KDELR2: variants seen among roughly 807,000 people sequenced by gnomAD.
The protein encoded by KDELR2 is ER lumen protein-retaining receptor 2.
A neutral mutation model predicts 23.9 loss-of-function variants in KDELR2; 15 were observed. The ratio of observed to expected loss-of-function variants is 0.63; its 90% CI spans 0.42 to 0.97. KDELR2 has a LOEUF of 0.97. KDELR2 is among the 50% of genes least tolerant of loss of function. KDELR2 has a pLI of 0.00. For missense variants in KDELR2, 272 were observed against 254.6 expected, an observed-to-expected ratio of 1.07 and a Z score of -0.46; for synonymous variants, 119 against 106.2, an observed-to-expected ratio of 1.12 and a Z score of -0.74.
At chr7:6,478,094 T>C (rs1785793261) in intron 1 of KDELR2, among the ~76,000 whole-genome samples, 2 of 152,054 alleles carry the variant, frequency 1.3e-5, no homozygotes, top group Non-Finnish European at 2.9e-5. Context: ...TTTCTTCACA[T>C]CCTTGCCAAC....
intron 1 of KDELR2, among the ~76,000 whole-genome samples, chr7:6,475,514 C>T (rs1785733171): frequency 6.6e-6 from 1 of 152,124 alleles, no homozygotes. Flanking sequence ...AAGGTATGAA[C>T]CCACAACTAC....
At chr7:6,466,547 G>C (rs1207848758) in intron 3 of KDELR2, among the ~76,000 whole-genome samples, 2 of 152,010 alleles carry the variant, frequency 1.3e-5, no homozygotes, top group Non-Finnish European at 2.9e-5. Flanking sequence ...AGACCAGCAG[G>C]GTGGATGGAT....
chr7:6,483,985 T>C lies in KDELR2; in HGVS notation c.73A>G (p.Lys25Glu). 1.3e-6 allele frequency: 2 copies of C among 1,531,124 alleles called. No homozygotes were observed. Among genetic ancestry groups the C allele is most frequent in the Non-Finnish European group, 1.8e-6 (2 of 1,136,986 alleles). 94.8% of individuals were successfully genotyped at this position (1,531,124 alleles called of 1,614,324 possible). ...CGCTCACCGGCGCAGGAGCGCGTCT[T>C]CCAGATCTTCAGCAGCAGGATGACG... ...AIVILLLKIW[K>E]TRSCAGISGK... is the part of the protein sequence containing the mutation. Residue 25 changes from lysine to glutamate, a missense_variant, in exon 1 of 5, where the codon AAG (lysine) becomes GAG (glutamate). Transcript: ENST00000258739.
At chr7:6,463,791 T>A (rs73342979) in intron 4 of KDELR2, among the ~76,000 whole-genome samples, 9,689 of 148,266 alleles carry the variant, frequency 0.065, 1,024 homozygotes, top group African/African-American at 0.23. Flanking sequence ...CAGGGTGAGG[T>A]AGCTCACGCC....
intron 3 of KDELR2, among the ~76,000 whole-genome samples, chr7:6,467,654 G>A (rs749067490): frequency 2.6e-5 from 4 of 152,078 alleles, no homozygotes; most frequent in African/African-American, 4.8e-5. Flanking sequence ...CCACCTACTC[G>A]GGAGGCTGAG....
At chr7:6,478,198 C>CT (rs1334830703) in intron 1 of KDELR2, among the ~76,000 whole-genome samples, 2 of 151,928 alleles carry the variant, frequency 1.3e-5, no homozygotes, top group Non-Finnish European at 2.9e-5. Flanking sequence ...CTCAGTTGCC[C>CT]AACCCAGGGT....
chr7:6,473,644 T>C (rs1195228159), intron 2 of KDELR2, among the ~76,000 whole-genome samples: 3 of 152,220 alleles, frequency 2.0e-5, no homozygotes, highest in Admixed American at 1.3e-4. Context: ...AATGATGGTA[T>C]AGAGATCATT....
Position 6,472,845 on chromosome 7 carries a change from GGAAA to G in KDELR2, c.192+1335_192+1338del, listed in dbSNP as rs1476145976. Among the ~76,000 whole-genome samples the G allele has an allele frequency of 6.6e-5, 10 of 151,174 alleles. No homozygotes were observed. The South Asian group carries it at 1.7e-3, about 25-fold the overall frequency. ...AGGTGCTCAGTATTTGTAGAAAGAAGGAAAGAAAGAAAGAAATCAGACTCCTATT... is the reference window on the plus strand; with the variant it reads ...AGGTGCTCAGTATTTGTAGAAAGAAGGAAAGAAAGAAATCAGACTCCTATT... On this transcript the variant is annotated intron_variant, in intron 2 of 4. Coordinates refer to ENST00000258739, the MANE Select transcript of KDELR2 (RefSeq NM_006854.4).
intron 3 of KDELR2, among the ~76,000 whole-genome samples, chr7:6,468,552 C>G (rs1171216755): frequency 6.6e-6 from 1 of 152,156 alleles, no homozygotes; most frequent in East Asian, 1.9e-4. Context: ...GTCGCCAAGG[C>G]TGGAGTGCAG....
At chr7:6,473,779 C>T (rs1785701784) in intron 2 of KDELR2, among the ~76,000 whole-genome samples, 1 of 152,178 alleles carries the variant, frequency 6.6e-6, no homozygotes, top group Non-Finnish European at 1.5e-5. Context: ...TGAGACACTG[C>T]AACTAGGAGT....
At chr7:6,466,382 AAC>A (rs1785504672) in intron 3 of KDELR2, 59 bp from the exon 4 acceptor site, 5 of 1,586,878 alleles carry the variant, frequency 3.2e-6, no homozygotes, top group Non-Finnish European at 4.3e-6. Context: ...GCTCAGAGGA[AAC>A]ACTCTTGCTT....
At position 6,461,275 on chromosome 7, in the gene KDELR2, T is replaced by C. The variant is rs1485859264; in HGVS notation, c.*1866A>G. On this transcript the variant is annotated 3_prime_UTR_variant, in exon 5 of 5. Coordinates refer to ENST00000258739, the MANE Select transcript of KDELR2 (RefSeq NM_006854.4). ...AAAACGGTGGTAACATAGCCAAGGTTACTTTTACTTGGGTAGGATGACTGC... is the reference window on the plus strand; with the variant it reads ...AAAACGGTGGTAACATAGCCAAGGTCACTTTTACTTGGGTAGGATGACTGC... The C allele has an allele frequency of 6.6e-5, 10 of 152,094 alleles. No individual in the cohort carries two copies. The allele number at this position is 152,094 out of a possible 1,614,324, so 9.4% of individuals were successfully genotyped here.
intron 1 of KDELR2, among the ~76,000 whole-genome samples, chr7:6,478,102 A>G (rs1785793343): frequency 6.6e-6 from 1 of 151,998 alleles, no homozygotes; most frequent in African/African-American, 2.4e-5. Flanking sequence ...CATCCTTGCC[A>G]ACATTTTCCT....
At chr7:6,483,016 A>AT (rs1358002191) in intron 1 of KDELR2, among the ~76,000 whole-genome samples, 2 of 151,956 alleles carry the variant, frequency 1.3e-5, no homozygotes, top group African/African-American at 2.4e-5. Flanking sequence ...AAAAAAAAAA[A>AT]AATAAGTTAA....
rs983711659 is a variant in KDELR2, at chr7:6,461,804, CAA to C, written c.*1335_*1336del. 7 of 151,968 alleles carry C rather than the reference CAA, an allele frequency of 4.6e-5. No homozygotes were observed. The highest frequency in any genetic ancestry group is 1.0e-4 in the Non-Finnish European group (7 of 68,020). 9.4% of individuals were successfully genotyped at this position (151,968 alleles called of 1,614,324 possible). On this transcript the variant is annotated 3_prime_UTR_variant, in exon 5 of 5. Transcript: ENST00000258739. Reference sequence around the variant, plus strand: ...TATTTATGGTGTATCACATAAAAAACAAAGTCATATACTTTTGCATTAATCAA... The same window carrying C: ...TATTTATGGTGTATCACATAAAAAACAGTCATATACTTTTGCATTAATCAA...
Position 6,483,972 on chromosome 7 carries a change from C to A in KDELR2, c.86G>T (p.Cys29Phe). ...GGCCTTCCCCCGCCGCTCACCGGCGCAGGAGCGCGTCTTCCAGATCTTCAG... is the reference window on the plus strand; with the variant it reads ...GGCCTTCCCCCGCCGCTCACCGGCGAAGGAGCGCGTCTTCCAGATCTTCAG... ...LLLKIWKTRSCAGISGKSQLL... is the reference protein window; with the variant it reads ...LLLKIWKTRSFAGISGKSQLL... Residue 29 changes from cysteine to phenylalanine, a missense_variant, in exon 1 of 5, where the codon TGC (cysteine) becomes TTC (phenylalanine). Cys to Phe is a radical substitution (Grantham distance 205). Coordinates refer to ENST00000258739, the MANE Select transcript of KDELR2 (RefSeq NM_006854.4). 6.5e-7 allele frequency: 1 copy of A among 1,529,528 alleles called. No homozygotes were observed. The highest frequency in any genetic ancestry group is 8.8e-7 in the Non-Finnish European group (1 of 1,136,314). The allele number at this position is 1,529,528 out of a possible 1,614,324, so 94.7% of individuals were successfully genotyped here. A position where few individuals can be genotyped will look rare whatever the true frequency, so the allele number is the denominator to read the frequency against.
intron 4 of KDELR2, 26 bp from the exon 5 acceptor site, chr7:6,463,201 A>T (rs867875734): frequency 6.3e-7 from 1 of 1,589,826 alleles, no homozygotes. Flanking sequence ...GAAGAAAAGA[A>T]AACAAAAGGT....
chr7:6,481,262 A>G (rs553186924), intron 1 of KDELR2, among the ~76,000 whole-genome samples: 177 of 151,074 alleles, frequency 1.2e-3, no homozygotes, highest in African/African-American at 4.2e-3. Context: ...CCAGCTAATC[A>G]GGAGGCTGAG....
At chr7:6,478,809 C>T (rs7800342) in intron 1 of KDELR2, among the ~76,000 whole-genome samples, 1 of 152,052 alleles carries the variant, frequency 6.6e-6, no homozygotes, top group Non-Finnish European at 1.5e-5. Flanking sequence ...TTTTTTGAGA[C>T]AAGAGTTTCA....
Sources: gnomAD v4.1 joint callset for allele counts (sites outside exome capture counted in the v4.1 genomes callset) on GRCh38, gnomAD v4.1.1 for gene constraint, MANE v1.5 for transcripts, NCBI Gene and HGNC (gene_info 2026-07-23, HGNC 2026-07-21) for gene names.